Variants in KTN1 observed in about 807,000 individuals in gnomAD.
KTN1 encodes the protein kinectin 1.
In KTN1, 130 loss-of-function variants were observed where a neutral mutation model predicts 222.5. The observed-to-expected ratio is 0.58, with a 90% CI of 0.51 to 0.68. The LOEUF is 0.68. KTN1 is among the 30% of genes least tolerant of loss of function. The probability of loss-of-function intolerance (pLI) is 0.00; values close to 1 mark genes in which losing one functional copy is unlikely to be tolerated. For synonymous variants in KTN1, 512 were observed against 496.3 expected (o/e 1.03, Z -0.42); for missense variants, 1,508 against 1,500.4 (o/e 1.01, Z -0.08).
chr14:55,643,821 G>A (rs34872770), intron 18 of KTN1, among the ~76,000 whole-genome samples: 68,945 of 151,848 alleles, frequency 0.45, 18,121 homozygotes, highest in Non-Finnish European at 0.59. Context: ...TAATATTATT[G>A]CTATCTTATT....
chr14:55,600,916 C>T (rs1033213139), intron 1 of KTN1, among the ~76,000 whole-genome samples: 3 of 151,438 alleles, frequency 2.0e-5, no homozygotes, highest in Non-Finnish European at 4.4e-5. Flanking sequence ...CAGATTATTT[C>T]CCATGGAAGT....
intron 1 of KTN1, among the ~76,000 whole-genome samples, chr14:55,585,493 T>G (rs562047841): frequency 3.9e-5 from 6 of 152,356 alleles, no homozygotes; most frequent in African/African-American, 1.4e-4. Flanking sequence ...GTTATCCTGA[T>G]TTTCCTTTCA....
At chr14:55,586,837 G>T (rs539653194) in intron 1 of KTN1, among the ~76,000 whole-genome samples, 2 of 152,030 alleles carry the variant, frequency 1.3e-5, no homozygotes, top group African/African-American at 4.8e-5. Flanking sequence ...ATAGAATGTC[G>T]TCCTTTTGTT....
chr14:55,635,661 C>T (rs1425128973), intron 9 of KTN1, among the ~76,000 whole-genome samples: 1 of 152,176 alleles, frequency 6.6e-6, no homozygotes, highest in African/African-American at 2.4e-5. Flanking sequence ...AGCATATGTA[C>T]ATTGAATAGA....
intron 5 of KTN1, among the ~76,000 whole-genome samples, chr14:55,621,846 C>CTT (rs10618434): frequency 1.1e-4 from 14 of 124,256 alleles, no homozygotes; most frequent in South Asian, 2.6e-4. Context: ...ATTTATATTA[C>CTT]TTTTTTTTTT....
intron 1 of KTN1, among the ~76,000 whole-genome samples, chr14:55,608,586 T>C (rs2037084887): frequency 6.6e-6 from 1 of 152,134 alleles, no homozygotes; most frequent in African/African-American, 2.4e-5. Flanking sequence ...TGATTTTGAA[T>C]GTTTTATTTC....
chr14:55,621,889 C>T (rs1394656778), intron 5 of KTN1, among the ~76,000 whole-genome samples: 1 of 146,630 alleles, frequency 6.8e-6, no homozygotes, highest in East Asian at 2.0e-4. Flanking sequence ...TGCTCTGTTG[C>T]CCAGGCTGGA....
intron 33 of KTN1, 117 bp from the exon 34 acceptor site, chr14:55,667,124 A>T (rs570654782): frequency 2.5e-4 from 158 of 642,286 alleles, no homozygotes; most frequent in East Asian, 1.7e-3. Flanking sequence ...AGTATTAAAA[A>T]TTTTTTTTAA....
chr14:55,666,433 T>A (rs576809646), intron 33 of KTN1, among the ~76,000 whole-genome samples: 12 of 151,778 alleles, frequency 7.9e-5, no homozygotes, highest in Non-Finnish European at 1.6e-4. Context: ...TTTTTTCAAG[T>A]CTTGTGGAGG....
chr14:55,645,845 T>C (rs1345839642), intron 18 of KTN1, among the ~76,000 whole-genome samples: 1 of 152,140 alleles, frequency 6.6e-6, no homozygotes, highest in African/African-American at 2.4e-5. Flanking sequence ...TTCATAAATA[T>C]GTACAGAGTG....
At chr14:55,617,659 T>C (rs2038574746) in intron 3 of KTN1, among the ~76,000 whole-genome samples, 1 of 152,204 alleles carries the variant, frequency 6.6e-6, no homozygotes, top group African/African-American at 2.4e-5. Flanking sequence ...ATAATTCTTA[T>C]ATTAAAACAA....
At chr14:55,633,001 T>C (rs2040706985) in intron 7 of KTN1, among the ~76,000 whole-genome samples, 2 of 152,232 alleles carry the variant, frequency 1.3e-5, no homozygotes, top group Admixed American at 1.3e-4. Flanking sequence ...ATTTCAAATA[T>C]GATAGCAGCT....
At chr14:55,647,983 T>G in intron 19 of KTN1, 42 bp from the exon 20 acceptor site, 1 of 739,978 alleles carries the variant, frequency 1.4e-6, no homozygotes. Flanking sequence ...TCATTAACTT[T>G]GAAAAATAGT....
intron 1 of KTN1, among the ~76,000 whole-genome samples, chr14:55,602,445 A>C (rs937505338): frequency 2.0e-5 from 3 of 152,176 alleles, no homozygotes; most frequent in African/African-American, 7.2e-5. Context: ...AATTCATTTA[A>C]AGTCGGCAAA....
At chr14:55,582,033 A>G (rs1415294204) in intron 1 of KTN1, among the ~76,000 whole-genome samples, 1 of 152,088 alleles carries the variant, frequency 6.6e-6, no homozygotes, top group Non-Finnish European at 1.5e-5. Flanking sequence ...CAGACATAAC[A>G]ATACCTTATC....
rs1555370835 is a variant in KTN1 at position 55,629,967 on chromosome 14, C to G, written c.1091C>G (p.Thr364Arg). Residue 364 changes from threonine (T) to arginine (R), a missense_variant, in exon 7 of 44, where the codon ACA becomes AGA. Thr to Arg is a moderately conservative substitution (Grantham distance 71). Coordinates refer to ENST00000395314, the MANE Select transcript of KTN1 (RefSeq NM_001079521.2). ...GGGATATTCTTTTAGGAAATGATGA[C>G]AGAGAAAGAAAGAAGCAATGTGGTT... The part of the protein sequence containing the change: ...RCKQLTQEMM[T>R]EKERSNVVIT... 6.3e-7 allele frequency: 1 copy of G among 1,588,514 alleles called. No individual in the cohort carries two copies. The highest frequency in any genetic ancestry group is 2.2e-5 in the East Asian group (1 of 44,556).
Position 55,619,296 on chromosome 14 carries a change from A to G in KTN1, c.947A>G (p.Gln316Arg). 2 of 1,613,536 alleles carry G rather than the reference A, an allele frequency of 1.2e-6. No homozygotes were observed. The highest frequency in any genetic ancestry group is 1.7e-6 in the Non-Finnish European group (2 of 1,179,736). Residue 316 changes from glutamine (Q) to arginine (R), a missense_variant, in exon 5 of 44, where the codon CAA (glutamine) becomes CGA (arginine). Transcript: ENST00000395314. ...DLLKEKSGVIQDALKKSSKGE... is the reference protein window; with the variant it reads ...DLLKEKSGVIRDALKKSSKGE... ...CTAAAGGAGAAGTCTGGTGTAATAC[A>G]AGATGCTTTAAAGAAGGTAAGCGTG...
chr14:55,673,279 G>GTAT, intron 40 of KTN1, 24 bp downstream of exon 40: 1 of 1,468,302 alleles, frequency 6.8e-7, no homozygotes, highest in Non-Finnish European at 9.5e-7. Context: ...CCTCCACTGG[G>GTAT]TATCAAGTAG....
intron 2 of KTN1, among the ~76,000 whole-genome samples, chr14:55,614,480 C>T (rs923796621): frequency 2.0e-5 from 3 of 152,106 alleles, no homozygotes; most frequent in African/African-American, 7.2e-5. Context: ...CTCCCAAGTT[C>T]TGAGTTAGGT....
Sources: allele counts gnomAD v4.1 joint callset (sites outside exome capture counted in the v4.1 genomes callset), GRCh38; gene constraint gnomAD v4.1.1; transcripts MANE v1.5; gene names NCBI Gene and HGNC (gene_info 2026-07-23, HGNC 2026-07-21).